The following CNST variants were observed in gnomAD, a reference collection of about 807,000 sequenced individuals.
CNST encodes consortin.
In CNST, 39 loss-of-function variants were observed where a neutral mutation model predicts 72.4. The observed-to-expected ratio is 0.54, with a 90% CI of 0.42 to 0.70. The LOEUF is 0.70. CNST is among the 30% of genes least tolerant of loss of function. The probability of loss-of-function intolerance (pLI) is 0.00; values close to 1 mark genes in which losing one functional copy is unlikely to be tolerated. For missense variants in CNST, 871 were observed against 868.5 expected (o/e 1.00, Z -0.04); for synonymous variants, 332 against 320.1 (o/e 1.04, Z -0.40).
chr1:246,630,526 T>C (rs1207170655), intron 3 of CNST, among the ~76,000 whole-genome samples: 1 of 152,214 alleles, frequency 6.6e-6, no homozygotes, highest in Non-Finnish European at 1.5e-5. Flanking sequence ...GTCACATTTG[T>C]AGGATTTAAA....
At position 246,665,817 on chromosome 1, in the gene CNST, G is replaced by A. The variant is rs1667367770; in HGVS notation, c.2090G>A (p.Cys697Tyr). 3 of 1,614,042 alleles carry A rather than the reference G, an allele frequency of 1.9e-6. No homozygotes were observed. Among genetic ancestry groups the A allele is most frequent in the Non-Finnish European group, 2.5e-6 (3 of 1,179,960 alleles). ...TTCGGTGACATGGAGTCACCTGTTT[G>A]TACTGACTTTGCAGACAACATGGAC... is the stretch of plus-strand genomic sequence containing the variant. ...CTFGDMESPV[C>Y]TDFADNMDFY... The change falls in exon 11 of 11, where the codon TGT (cysteine) becomes TAT (tyrosine). Residue 697 changes from cysteine to tyrosine, a missense_variant. Transcript: ENST00000366513.
chr1:246,640,994 A>G (rs971990885), intron 6 of CNST, among the ~76,000 whole-genome samples: 1 of 152,142 alleles, frequency 6.6e-6, no homozygotes, highest in African/African-American at 2.4e-5. Flanking sequence ...GTACCCACCC[A>G]CAATAGTAAC....
At chr1:246,587,192 A>G (rs1661251955) in intron 1 of CNST, among the ~76,000 whole-genome samples, 1 of 152,210 alleles carries the variant, frequency 6.6e-6, no homozygotes, top group Non-Finnish European at 1.5e-5. Flanking sequence ...TGGTACTCCC[A>G]GGCTGAAGCA....
At position 246,661,442 on chromosome 1, in the gene CNST, A is replaced by G. The variant is rs576738997; in HGVS notation, c.1972+1108A>G. ...TTGTCTTCTTTTCAGTGGACAATTA[A>G]TACTCCTCCTTTATTGTGGAAAATA... On this transcript the variant is annotated intron_variant, in intron 10 of 10. Transcript: ENST00000366513. 3.8e-4 allele frequency among the ~76,000 whole-genome samples: 58 copies of G among 152,314 alleles called. No homozygotes were observed. The South Asian group carries it at 9.5e-3, about 25-fold the overall frequency.
At chr1:246,567,532 G>T (rs1659792768) in intron 1 of CNST, among the ~76,000 whole-genome samples, 1 of 152,194 alleles carries the variant, frequency 6.6e-6, no homozygotes, top group Admixed American at 6.5e-5. Context: ...TCTACTGAGA[G>T]TGTAATTGAG....
At position 246,621,947 on chromosome 1, in the gene CNST, A is replaced by G. The variant is rs1472633943; in HGVS notation, c.585+313A>G. ...GAGGCAAAGGTTGCATTGAGCTGAC[A>G]TTGCACCACTGCACTCCAGCCTGGG... On this transcript the variant is annotated intron_variant, in intron 3 of 10. Coordinates refer to ENST00000366513, the MANE Select transcript of CNST (RefSeq NM_152609.3). Among the ~76,000 whole-genome samples the G allele has an allele frequency of 7.2e-5, 11 of 152,310 alleles. No individual in the cohort carries two copies. The South Asian group carries it at 2.1e-3, about 29-fold the overall frequency.
At chr1:246,631,198 G>A (rs990441492) in intron 3 of CNST, among the ~76,000 whole-genome samples, 1 of 152,176 alleles carries the variant, frequency 6.6e-6, no homozygotes, top group Admixed American at 6.5e-5. Context: ...AGATGTCTTA[G>A]AATGAATCTG....
chr1:246,618,095 A>G (rs558881402), intron 2 of CNST, among the ~76,000 whole-genome samples: 2 of 152,340 alleles, frequency 1.3e-5, no homozygotes, highest in South Asian at 2.1e-4. Context: ...ACTAGAAGAT[A>G]CTTGTATTAG....
At chr1:246,660,388 G>A in intron 10 of CNST, 54 bp downstream of exon 10, 1 of 1,572,020 alleles carries the variant, frequency 6.4e-7, no homozygotes, top group African/African-American at 1.4e-5. Context: ...TTTGCTGAAA[G>A]GATGAGTTTG....
chr1:246,662,370 G>A (rs1467729609), intron 10 of CNST, among the ~76,000 whole-genome samples: 2 of 152,092 alleles, frequency 1.3e-5, no homozygotes, highest in African/African-American at 4.8e-5. Flanking sequence ...AGAAACAGGT[G>A]AGATGAATTT....
At chr1:246,615,957 A>G (rs1322654842) in intron 2 of CNST, among the ~76,000 whole-genome samples, 1 of 152,122 alleles carries the variant, frequency 6.6e-6, no homozygotes, top group Non-Finnish European at 1.5e-5. Flanking sequence ...GAGCTTAATG[A>G]AGTTGACAGG....
At chr1:246,578,998 A>G (rs1350117530) in intron 1 of CNST, among the ~76,000 whole-genome samples, 1 of 152,268 alleles carries the variant, frequency 6.6e-6, no homozygotes, top group Admixed American at 6.5e-5. Context: ...TACTATATGC[A>G]TGGCAAAGCG....
At chr1:246,601,534 C>T (rs771014827) in intron 2 of CNST, among the ~76,000 whole-genome samples, 18 of 152,262 alleles carry the variant, frequency 1.2e-4, no homozygotes, top group Non-Finnish European at 2.2e-4. Flanking sequence ...GTGGCTCACA[C>T]CTGTAATCCC....
chr1:246,652,434 C>T (rs931113490), intron 9 of CNST, among the ~76,000 whole-genome samples: 7 of 152,130 alleles, frequency 4.6e-5, no homozygotes, highest in African/African-American at 7.2e-5. Context: ...ATACATTTTA[C>T]GAAAGTTAAT....
At chr1:246,578,258 G>T (rs528082197) in intron 1 of CNST, among the ~76,000 whole-genome samples, 2 of 152,026 alleles carry the variant, frequency 1.3e-5, no homozygotes, top group Admixed American at 1.3e-4. Flanking sequence ...CAATAAATAA[G>T]CAAATTCGAG....
rs1347016647 is a variant in CNST, at chr1:246,566,669, G to GAGAGGAGGAGCGGGATGC, written c.-52+9_-52+26dup. On this transcript the variant is annotated splice_region_variant and intron_variant, in intron 1 of 10. Coordinates refer to ENST00000366513, the MANE Select transcript of CNST (RefSeq NM_152609.3). ...CTTGCGCCTCCGATTCCCAGGTGAG[G>GAGAGGAGGAGCGGGATGC]AGAGGAGGAGCGGGATGCAGGGGAC... is the stretch of plus-strand genomic sequence containing the variant. 7 of 401,954 alleles carry GAGAGGAGGAGCGGGATGC rather than the reference G, an allele frequency of 1.7e-5. No homozygotes were observed. Among genetic ancestry groups the GAGAGGAGGAGCGGGATGC allele is most frequent in the Non-Finnish European group, 3.1e-5 (7 of 227,898 alleles). The allele number at this position is 401,954 out of a possible 1,614,324, so 24.9% of individuals were successfully genotyped here. A position where few individuals can be genotyped will look rare whatever the true frequency, so the allele number is the denominator to read the frequency against.
chr1:246,653,949 C>T (rs543282651), intron 9 of CNST, among the ~76,000 whole-genome samples: 41 of 152,308 alleles, frequency 2.7e-4, no homozygotes, highest in African/African-American at 8.7e-4. Flanking sequence ...AAGGTTTCCA[C>T]GCCTTGTCTG....
rs1664042112 is a variant in CNST at position 246,620,829 on chromosome 1, C to T, written c.380-600C>T. Among the ~76,000 whole-genome samples the T allele has an allele frequency of 2.6e-5, 4 of 151,502 alleles. No homozygotes were observed. In the East Asian group the frequency reaches 5.9e-4, roughly 22 times the overall value. On this transcript the variant is annotated intron_variant, in intron 2 of 10. Coordinates refer to ENST00000366513, the MANE Select transcript of CNST (RefSeq NM_152609.3). ...AGACGGCTTCAGTCGTGCATACACACGACGGGCTCTGGGCACACTCTACAG... is the reference window on the plus strand; with the variant it reads ...AGACGGCTTCAGTCGTGCATACACATGACGGGCTCTGGGCACACTCTACAG...
At chr1:246,589,137 TAA>T (rs1435394913) in intron 1 of CNST, among the ~76,000 whole-genome samples, 3 of 152,106 alleles carry the variant, frequency 2.0e-5, no homozygotes, top group African/African-American at 7.2e-5. Context: ...TATTATACTT[TAA>T]GTTTTAGGGT....
Sources: gnomAD v4.1 joint callset for allele counts (sites outside exome capture counted in the v4.1 genomes callset) on GRCh38, gnomAD v4.1.1 for gene constraint, MANE v1.5 for transcripts, NCBI Gene and HGNC (gene_info 2026-07-23, HGNC 2026-07-21) for gene names.